The following EFR3B variants were observed in gnomAD, a reference collection of about 807,000 sequenced individuals.
The protein encoded by EFR3B is protein EFR3 homolog B.
Under a neutral mutation model 104.7 loss-of-function variants are expected in EFR3B, and 64 were observed. The observed-to-expected ratio is 0.61, with a 90% confidence interval of 0.50 to 0.75. The LOEUF is 0.75. Among genes scored for constraint, EFR3B ranks in the 30% least tolerant of loss-of-function variants. The pLI, the probability that EFR3B is intolerant of heterozygous loss-of-function variation, is 0.00. For synonymous variants in EFR3B, 385 were observed against 417.9 expected (o/e 0.92, Z 0.96); for missense variants, 750 against 1,078.5 (o/e 0.70, Z 4.27).
At chr2:25,086,406 C>T (rs575206954) in intron 1 of EFR3B, among the ~76,000 whole-genome samples, 1 of 152,314 alleles carries the variant, frequency 6.6e-6, no homozygotes, top group South Asian at 2.1e-4. Context: ...TCTTGCTGCT[C>T]CACATCCCTG....
intron 1 of EFR3B, among the ~76,000 whole-genome samples, chr2:25,086,496 A>C (rs1015742428): frequency 6.6e-6 from 1 of 152,030 alleles, no homozygotes; most frequent in South Asian, 2.1e-4. Flanking sequence ...TTTAATTTAC[A>C]TTTCCTGGAT....
chr2:25,054,790 C>T (rs956794136), intron 1 of EFR3B, among the ~76,000 whole-genome samples: 13 of 152,278 alleles, frequency 8.5e-5, no homozygotes, highest in South Asian at 8.3e-4. Flanking sequence ...GAGCCTGCCT[C>T]GGTGCTGTCT....
At chr2:25,102,469 G>A (rs114740549) in intron 3 of EFR3B, among the ~76,000 whole-genome samples, 2,383 of 152,202 alleles carry the variant, frequency 0.016, 56 homozygotes, top group African/African-American at 0.054. Context: ...CAATCATAGC[G>A]AAAGTCACCT....
intron 3 of EFR3B, among the ~76,000 whole-genome samples, chr2:25,094,295 A>AG (rs1553390758): frequency 1.8e-4 from 27 of 151,470 alleles, no homozygotes; most frequent in Non-Finnish European, 2.9e-4. Context: ...AAAAAAAAAA[A>AG]AAAAAAGAAA....
intron 1 of EFR3B, among the ~76,000 whole-genome samples, chr2:25,054,560 C>T (rs1029249609): frequency 3.3e-5 from 5 of 152,034 alleles, no homozygotes; most frequent in Non-Finnish European, 4.4e-5. Context: ...TCAGGTGATC[C>T]GCCTGCCAAA....
chr2:25,099,870 TAA>T (rs59603684), intron 3 of EFR3B, among the ~76,000 whole-genome samples: 241 of 138,926 alleles, frequency 1.7e-3, no homozygotes, highest in Middle Eastern at 3.7e-3. Context: ...AAACTTTGTT[TAA>T]AAAAAAAAAA....
intron 1 of EFR3B, among the ~76,000 whole-genome samples, chr2:25,057,352 A>G (rs989372756): frequency 3.3e-5 from 5 of 151,562 alleles, no homozygotes; most frequent in African/African-American, 9.7e-5. Flanking sequence ...TTCCTCTGCC[A>G]TTTTCAGATA....
Position 25,121,778 on chromosome 2 carries a change from T to C in EFR3B, c.469T>C (p.Leu157=). The C allele has an allele frequency of 9.0e-6, 14 of 1,551,816 alleles. No homozygotes were observed. Among genetic ancestry groups the C allele is most frequent in the Non-Finnish European group, 1.2e-5 (14 of 1,147,016 alleles). The part of the protein sequence containing the change: ...SEMCHSSHDD[L]EIKTKIRMSG... ...AATGTGCCACTCGAGCCATGATGACTTAGAAATCAAGACCAAGTGAGTAGG... is the reference window on the plus strand; with the variant it reads ...AATGTGCCACTCGAGCCATGATGACCTAGAAATCAAGACCAAGTGAGTAGG... The change falls in exon 5 of 23, where the codon TTA becomes CTA. Residue 157 remains leucine, a synonymous_variant. Coordinates refer to ENST00000403714, the MANE Select transcript of EFR3B (RefSeq NM_014971.2).
rs1669795677 is a variant in EFR3B at position 25,114,040 on chromosome 2, G to A, written c.364-7633G>A. On this transcript the variant is annotated intron_variant, in intron 4 of 22. Transcript: ENST00000403714. The surrounding 1 kb of genome is among the most constrained non-coding windows in gnomAD (Gnocchi z 4.0). Reference sequence around the variant, plus strand: ...TACACTGCCTCTTTAAGAGGGAAAAGGGCTTACTCGCTCTAAAACCGGAGA... The same window carrying A: ...TACACTGCCTCTTTAAGAGGGAAAAAGGCTTACTCGCTCTAAAACCGGAGA... 6.6e-6 allele frequency among the ~76,000 whole-genome samples: 1 copy of A among 152,284 alleles called. No homozygotes were observed. The highest frequency in any genetic ancestry group is 1.5e-5 in the Non-Finnish European group (1 of 68,022).
At chr2:25,059,583 G>A (rs904690816) in intron 1 of EFR3B, among the ~76,000 whole-genome samples, 1 of 137,638 alleles carries the variant, frequency 7.3e-6, no homozygotes, top group South Asian at 2.7e-4. Flanking sequence ...GGGGGGGGGG[G>A]GGGTGGAGAT....
chr2:25,068,427 G>A (rs898275124), intron 1 of EFR3B, among the ~76,000 whole-genome samples: 2 of 152,134 alleles, frequency 1.3e-5, no homozygotes, highest in African/African-American at 4.8e-5. Flanking sequence ...ATGCAGGCTT[G>A]AGGAAGATCG....
intron 1 of EFR3B, among the ~76,000 whole-genome samples, chr2:25,045,282 C>T (rs1377862117): frequency 2.0e-5 from 3 of 152,190 alleles, no homozygotes; most frequent in African/African-American, 4.8e-5. Context: ...GCTGTCTCCT[C>T]ACCACTCAGT....
At chr2:25,073,641 C>A (rs982758873) in intron 1 of EFR3B, among the ~76,000 whole-genome samples, 1 of 152,162 alleles carries the variant, frequency 6.6e-6, no homozygotes, top group African/African-American at 2.4e-5. Flanking sequence ...AGCCACTGCG[C>A]CCAGCCCACT....
intron 1 of EFR3B, among the ~76,000 whole-genome samples, chr2:25,072,265 C>T (rs1374753182): frequency 1.5e-4 from 2 of 13,062 alleles, no homozygotes; most frequent in Non-Finnish European, 2.7e-4. Context: ...ACCCTGGCTC[C>T]AGCCCTTATT....
At chr2:25,119,767 G>A (rs1469799105) in intron 4 of EFR3B, among the ~76,000 whole-genome samples, 1 of 152,076 alleles carries the variant, frequency 6.6e-6, no homozygotes, top group Non-Finnish European at 1.5e-5. Context: ...ATTTATTATT[G>A]TAAGAATAAA....
chr2:25,139,376 G>A (rs1002210042), intron 16 of EFR3B, among the ~76,000 whole-genome samples, 186 bp downstream of exon 16: 5 of 152,052 alleles, frequency 3.3e-5, no homozygotes, highest in Non-Finnish European at 7.4e-5. Flanking sequence ...GACAAAGCAG[G>A]GTGGGGTTAG....
chr2:25,093,194 G>T, intron 3 of EFR3B, 64 bp downstream of exon 3: 1 of 1,519,354 alleles, frequency 6.6e-7, no homozygotes, highest in Non-Finnish European at 8.9e-7. Flanking sequence ...TAAACATAGG[G>T]TCCTTTTAAG....
intron 1 of EFR3B, among the ~76,000 whole-genome samples, chr2:25,055,528 C>T: frequency 6.6e-6 from 1 of 152,168 alleles, no homozygotes; most frequent in East Asian, 1.9e-4. Context: ...CATTCAGAAG[C>T]CAGGAGTCTT....
intron 4 of EFR3B, among the ~76,000 whole-genome samples, chr2:25,117,341 T>C (rs1203101055): frequency 6.6e-6 from 1 of 151,804 alleles, no homozygotes; most frequent in Non-Finnish European, 1.5e-5. Context: ...GCCCTGTGAC[T>C]CTGCTGTCTG....
Sources: gnomAD v4.1 joint callset for allele counts (sites outside exome capture counted in the v4.1 genomes callset) on GRCh38, gnomAD v4.1.1 for gene constraint, Gnocchi (gnomAD v3.1) non-coding constraint, MANE v1.5 for transcripts, NCBI Gene and HGNC (gene_info 2026-07-23, HGNC 2026-07-21) for gene names.